Variants in SMYD3 observed in about 807,000 individuals in gnomAD.
The protein encoded by SMYD3 is histone-lysine N-methyltransferase SMYD3.
A neutral mutation model predicts 57.7 loss-of-function variants in SMYD3; 36 were observed. The ratio of observed to expected loss-of-function variants is 0.62; its 90% CI spans 0.48 to 0.82. The LOEUF is 0.82. Ranked by LOEUF, SMYD3 falls within the 40% of genes least tolerant of loss-of-function variation. The pLI, the probability that SMYD3 is intolerant of heterozygous loss-of-function variation, is 0.00. For synonymous variants in SMYD3, 211 were observed against 195.0 expected (o/e 1.08, Z -0.68); for missense variants, 515 against 538.8 (o/e 0.96, Z 0.44).
At chr1:246,341,107 T>C (rs2065627109) in intron 2 of SMYD3, among the ~76,000 whole-genome samples, 1 of 152,238 alleles carries the variant, frequency 6.6e-6, no homozygotes, top group Admixed American at 6.5e-5. Flanking sequence ...AGCTTTCCAT[T>C]ACTATTTAAA....
At chr1:246,011,775 T>A (rs1326205925) in intron 5 of SMYD3, among the ~76,000 whole-genome samples, 1 of 152,188 alleles carries the variant, frequency 6.6e-6, no homozygotes, top group African/African-American at 2.4e-5. Context: ...ATCTGCATGA[T>A]CACACACAAA....
intron 5 of SMYD3, among the ~76,000 whole-genome samples, chr1:246,320,901 G>A (rs879915085): frequency 5.3e-5 from 8 of 152,178 alleles, no homozygotes; most frequent in Non-Finnish European, 1.2e-4. Context: ...CATGACAACT[G>A]AAGCACGCTT....
intron 5 of SMYD3, among the ~76,000 whole-genome samples, chr1:245,979,726 C>T (rs892220079): frequency 1.3e-5 from 2 of 152,080 alleles, no homozygotes; most frequent in Admixed American, 6.6e-5. Flanking sequence ...TCACCATGGC[C>T]GTTTTAAGAA....
chr1:245,840,236 G>A (rs10802282), intron 10 of SMYD3, among the ~76,000 whole-genome samples: 64,506 of 151,948 alleles, frequency 0.42, 15,356 homozygotes, highest in East Asian at 0.86. Context: ...TACCCATGCC[G>A]AATACATCAG....
At chr1:245,953,973 CTTTG>C (rs1169095055) in intron 5 of SMYD3, among the ~76,000 whole-genome samples, 1 of 152,064 alleles carries the variant, frequency 6.6e-6, no homozygotes, top group Non-Finnish European at 1.5e-5. Flanking sequence ...TTTTGTGTAA[CTTTG>C]TTTAAATCTG....
chr1:245,855,323 T>TGGG (rs35484223), intron 10 of SMYD3, among the ~76,000 whole-genome samples: 2 of 151,198 alleles, frequency 1.3e-5, no homozygotes, highest in South Asian at 2.1e-4. Context: ...TTTTAGGGGC[T>TGGG]GGGGGGGGAA....
intron 5 of SMYD3, among the ~76,000 whole-genome samples, chr1:246,300,266 A>T (rs1044301964): frequency 1.3e-5 from 2 of 152,234 alleles, no homozygotes; most frequent in African/African-American, 4.8e-5. Flanking sequence ...ACCCCAATAA[A>T]CATTTCAAAT....
intron 5 of SMYD3, among the ~76,000 whole-genome samples, chr1:246,042,355 T>C (rs925642433): frequency 2.6e-5 from 4 of 152,086 alleles, no homozygotes; most frequent in Non-Finnish European, 4.4e-5. Context: ...GGAAAATCCA[T>C]GGGAACGTAT....
At chr1:245,897,951 A>C (rs998783616) in intron 8 of SMYD3, among the ~76,000 whole-genome samples, 1 of 152,040 alleles carries the variant, frequency 6.6e-6, no homozygotes, top group African/African-American at 2.4e-5. Flanking sequence ...TATAGAAATC[A>C]GTGATTTCAC....
chr1:246,445,045 T>C (rs1022268516), intron 1 of SMYD3, among the ~76,000 whole-genome samples: 2 of 152,190 alleles, frequency 1.3e-5, no homozygotes, highest in Non-Finnish European at 2.9e-5. Flanking sequence ...GCACTATTGA[T>C]GTTGATGATG....
At chr1:245,773,929 A>T (rs548901512) in intron 10 of SMYD3, among the ~76,000 whole-genome samples, 6 of 152,210 alleles carry the variant, frequency 3.9e-5, no homozygotes, top group South Asian at 2.1e-4. Flanking sequence ...AAAGTTTAAA[A>T]TTTTCAGAAA....
intron 5 of SMYD3, among the ~76,000 whole-genome samples, chr1:246,027,390 C>T (rs1361723215): frequency 7.9e-5 from 12 of 152,172 alleles, no homozygotes; most frequent in Non-Finnish European, 1.6e-4. Flanking sequence ...GAGGTCAATG[C>T]TTTGCTTCAA....
intron 10 of SMYD3, among the ~76,000 whole-genome samples, chr1:245,843,744 G>C (rs1214223713): frequency 6.6e-6 from 1 of 152,156 alleles, no homozygotes; most frequent in African/African-American, 2.4e-5. Context: ...TAACCTTATG[G>C]ACCACATGAT....
intron 1 of SMYD3, among the ~76,000 whole-genome samples, chr1:246,499,257 T>TCG: frequency 6.6e-6 from 1 of 151,858 alleles, no homozygotes; most frequent in Admixed American, 6.6e-5. Flanking sequence ...TGAGCCGAGA[T>TCG]TGTACCACTG....
chr1:246,203,675 T>A lies in SMYD3; in HGVS notation c.531+123526A>T, dbSNP rs185788355. ...TTAAATCACCTCTTCAAAGACCTTC[T>A]CTCCAAATATGGTCACATTCTGAAG... On this transcript the variant is annotated intron_variant, in intron 5 of 11. Coordinates refer to ENST00000490107, the MANE Select transcript of SMYD3 (RefSeq NM_001167740.2). The surrounding 1 kb of genome is among the most constrained non-coding windows in gnomAD (Gnocchi z 4.6). Among the ~76,000 whole-genome samples, 1 of 152,206 alleles carries A rather than the reference T, an allele frequency of 6.6e-6. No individual in the cohort carries two copies. The highest frequency in any genetic ancestry group is 1.9e-4 in the East Asian group (1 of 5,178).
intron 5 of SMYD3, among the ~76,000 whole-genome samples, chr1:246,037,593 C>T (rs2059798922): frequency 6.6e-6 from 1 of 152,222 alleles, no homozygotes; most frequent in African/African-American, 2.4e-5. Context: ...CCTGCTCCGG[C>T]AATGCCGTTC....
chr1:246,439,299 T>C (rs1234729475), intron 1 of SMYD3, among the ~76,000 whole-genome samples: 1 of 152,134 alleles, frequency 6.6e-6, no homozygotes, highest in Non-Finnish European at 1.5e-5. Context: ...CATCCACAGA[T>C]GTGAAAACCA....
At chr1:246,431,371 C>T (rs1558461843) in intron 1 of SMYD3, among the ~76,000 whole-genome samples, 3 of 152,184 alleles carry the variant, frequency 2.0e-5, no homozygotes, top group African/African-American at 7.2e-5. Context: ...AAATACACAG[C>T]TCAGCAAAAT....
intron 1 of SMYD3, among the ~76,000 whole-genome samples, chr1:246,399,325 C>T (rs1295541632): frequency 6.6e-6 from 1 of 151,686 alleles, no homozygotes; most frequent in Non-Finnish European, 1.5e-5. Context: ...TGCCCAGCCC[C>T]ATATTTTATT....
Sources: allele counts gnomAD v4.1 joint callset (sites outside exome capture counted in the v4.1 genomes callset), GRCh38; gene constraint gnomAD v4.1.1; non-coding constraint Gnocchi (gnomAD v3.1); transcripts MANE v1.5; gene names NCBI Gene and HGNC (gene_info 2026-07-23, HGNC 2026-07-21).